The following POFUT3 variants were observed in gnomAD, a reference collection of about 807,000 sequenced individuals.
POFUT3 encodes the protein GDP-fucose protein O-fucosyltransferase 3.
chr8:33,358,311 C>T, the POFUT3 span, among the ~76,000 whole-genome samples: 5,781 of 152,182 alleles, frequency 0.038, 223 homozygotes, highest in East Asian at 0.1. Context: ...ATGTTTTTGA[C>T]TCTTCAGAAA....
At chr8:33,428,837 T>C in the POFUT3 span, among the ~76,000 whole-genome samples, 3 of 152,178 alleles carry the variant, frequency 2.0e-5, no homozygotes, top group Non-Finnish European at 4.4e-5. Context: ...CAAGTGATGA[T>C]CCCTCCATCT....
chr8:33,322,943 CT>C, the POFUT3 span, among the ~76,000 whole-genome samples: 268 of 146,746 alleles, frequency 1.8e-3, no homozygotes, highest in African/African-American at 4.2e-3. Context: ...ATAAGTGGAG[CT>C]TTTTTTTTTT....
the POFUT3 span, among the ~76,000 whole-genome samples, chr8:33,374,444 G>A: frequency 2.6e-5 from 4 of 152,136 alleles, no homozygotes; most frequent in African/African-American, 9.7e-5. Flanking sequence ...GAAAAAGCTT[G>A]AGCAACTGTC....
the POFUT3 span, among the ~76,000 whole-genome samples, chr8:33,469,876 AT>A: frequency 6.8e-6 from 1 of 146,766 alleles, no homozygotes; most frequent in African/African-American, 2.5e-5. Context: ...ACTCACCACA[AT>A]CTCTGCCTCC....
At chr8:33,455,088 C>T in the POFUT3 span, among the ~76,000 whole-genome samples, 10 of 152,156 alleles carry the variant, frequency 6.6e-5, no homozygotes, top group Non-Finnish European at 1.3e-4. Flanking sequence ...TTAAAGTAGT[C>T]ATAACATGGG....
chr8:33,328,217 C>T, the POFUT3 span, among the ~76,000 whole-genome samples: 2 of 152,028 alleles, frequency 1.3e-5, no homozygotes, highest in African/African-American at 4.8e-5. Flanking sequence ...ACAGTGTCAT[C>T]GGATGAACCC....
the POFUT3 span, among the ~76,000 whole-genome samples, chr8:33,351,044 C>T: frequency 3.1e-4 from 47 of 152,226 alleles, no homozygotes; most frequent in Middle Eastern, 3.4e-3. Context: ...GGCACGATCT[C>T]GGCTCACTGC....
the POFUT3 span, among the ~76,000 whole-genome samples, chr8:33,328,506 G>A: frequency 1.1e-4 from 17 of 151,980 alleles, no homozygotes; most frequent in East Asian, 3.1e-3. Flanking sequence ...GTGATTCCAC[G>A]GGGCACTCTG....
the POFUT3 span, among the ~76,000 whole-genome samples, chr8:33,360,346 T>A: frequency 2.1e-4 from 32 of 151,770 alleles, no homozygotes; most frequent in African/African-American, 7.7e-4. Flanking sequence ...CTTGGGAGGC[T>A]AAGGCAGGAG....
At chr8:33,327,596 G>A in the POFUT3 span, among the ~76,000 whole-genome samples, 1 of 151,880 alleles carries the variant, frequency 6.6e-6, no homozygotes, top group South Asian at 2.1e-4. Flanking sequence ...TTTATCCAAG[G>A]GCACCCAGCT....
the POFUT3 span, among the ~76,000 whole-genome samples, chr8:33,449,533 GC>G: frequency 6.6e-6 from 1 of 151,858 alleles, no homozygotes; most frequent in Non-Finnish European, 1.5e-5. Context: ...CAGGTGATCT[GC>G]CCACCCCAGC....
chr8:33,382,903 A>G, the POFUT3 span, among the ~76,000 whole-genome samples: 2 of 152,110 alleles, frequency 1.3e-5, no homozygotes, highest in African/African-American at 4.8e-5. Flanking sequence ...CTTCCATGTG[A>G]CTTCCTGCTC....
the POFUT3 span, among the ~76,000 whole-genome samples, chr8:33,453,692 C>T: frequency 6.6e-6 from 1 of 152,092 alleles, no homozygotes; most frequent in Non-Finnish European, 1.5e-5. Flanking sequence ...CTTGTAATCT[C>T]AGTGCGTCGT....
At chr8:33,467,679 C>A in the POFUT3 span, among the ~76,000 whole-genome samples, 6 of 152,164 alleles carry the variant, frequency 3.9e-5, no homozygotes, top group African/African-American at 1.4e-4. Context: ...TACTCTTGCA[C>A]GTGCTATGCC....
At chr8:33,401,191 C>T in the POFUT3 span, among the ~76,000 whole-genome samples, 8 of 152,084 alleles carry the variant, frequency 5.3e-5, no homozygotes, top group Non-Finnish European at 8.8e-5. Context: ...CTTTGTTGTC[C>T]AGGCGGCTGG....
the POFUT3 span, among the ~76,000 whole-genome samples, chr8:33,469,668 T>C: frequency 6.6e-6 from 1 of 152,086 alleles, no homozygotes; most frequent in Non-Finnish European, 1.5e-5. Context: ...GTGTTAATAA[T>C]ACAACCTCAC....
At chr8:33,448,225 A>C in the POFUT3 span, among the ~76,000 whole-genome samples, 1 of 103,800 alleles carries the variant, frequency 9.6e-6, no homozygotes, top group African/African-American at 3.3e-5. Context: ...AAGCACCTGT[A>C]GTCCCAGCTA....
chr8:33,324,272 A>G, the POFUT3 span, among the ~76,000 whole-genome samples: 1 of 152,224 alleles, frequency 6.6e-6, no homozygotes, highest in South Asian at 2.1e-4. Context: ...CTGGGTGCCC[A>G]GGAGGTAGAG....
the POFUT3 span, among the ~76,000 whole-genome samples, chr8:33,397,304 A>G: frequency 6.2e-4 from 95 of 152,308 alleles, no homozygotes; most frequent in African/African-American, 2.2e-3. Flanking sequence ...TGGGAAGAGG[A>G]GAGGTTTTGG....
Sources: allele counts gnomAD v4.1 joint callset (sites outside exome capture counted in the v4.1 genomes callset), GRCh38; gene constraint gnomAD v4.1.1; transcripts MANE v1.5; gene names NCBI Gene and HGNC (gene_info 2026-07-23, HGNC 2026-07-21).